PDILT: variants seen among roughly 807,000 people sequenced by gnomAD.
PDILT encodes protein disulfide isomerase like, testis expressed.
In PDILT, 43 loss-of-function variants were observed where a neutral mutation model predicts 53.7. That is an observed-to-expected ratio of 0.80 (90% CI 0.63 to 1.03). The LOEUF is 1.03. Ranked by LOEUF, PDILT falls within the 50% of genes least tolerant of loss-of-function variation. The pLI, the probability that PDILT is intolerant of heterozygous loss-of-function variation, is 0.00. For missense variants in PDILT, 727 were observed against 712.3 expected (o/e 1.02, Z -0.24); for synonymous variants, 282 against 274.2 (o/e 1.03, Z -0.28).
chr16:20,364,226 C>T lies in PDILT; in HGVS notation c.1237+1194G>A, dbSNP rs765462456. 5.3e-5 allele frequency among the ~76,000 whole-genome samples: 8 copies of T among 152,168 alleles called. No individual in the cohort carries two copies. The East Asian group carries it at 9.6e-4, about 18-fold the overall frequency. On this transcript the variant is annotated intron_variant, in intron 9 of 11. Transcript: ENST00000302451. ...GACAGTCTTACAATTCTGGGTGTGACTTAAGTACAGAACAGCTGCATCTAG... is the reference window on the plus strand; with the variant it reads ...GACAGTCTTACAATTCTGGGTGTGATTTAAGTACAGAACAGCTGCATCTAG...
Position 20,373,061 on chromosome 16 carries a change from C to T in PDILT, c.743G>A (p.Arg248His), listed in dbSNP as rs757403657. The stretch of plus-strand genomic sequence containing the variant: ...ATCTGTAAGGTGCTGTTTTATGACA[C>T]GATTGAGTTCCTGTTTGTTGGTACT... Reference protein sequence around the residue: ...NDSTNKQELNRVIKQHLTDFV... With the variant: ...NDSTNKQELNHVIKQHLTDFV... The change falls in exon 6 of 12, where the codon CGT becomes CAT. Residue 248 changes from arginine (R) to histidine (H), a missense_variant. Coordinates refer to ENST00000302451, the MANE Select transcript of PDILT (RefSeq NM_174924.2). 15 of 1,614,104 alleles carry T rather than the reference C, an allele frequency of 9.3e-6. No individual in the cohort carries two copies. Among genetic ancestry groups the T allele is most frequent in the East Asian group, 2.2e-5 (1 of 44,890 alleles).
chr16:20,360,185 T>C (rs59578859), intron 11 of PDILT, among the ~76,000 whole-genome samples: 5,318 of 152,206 alleles, frequency 0.035, 248 homozygotes, highest in African/African-American at 0.1. Context: ...CAGAGGGCAC[T>C]GTCCAGCAGA....
At chr16:20,400,019 T>C (rs1389127147) in intron 1 of PDILT, among the ~76,000 whole-genome samples, 4 of 107,734 alleles carry the variant, frequency 3.7e-5, no homozygotes, top group African/African-American at 7.5e-5. Context: ...TATCTCTATC[T>C]ATCTATCTAT....
At chr16:20,386,487 C>T (rs1966539819) in intron 2 of PDILT, among the ~76,000 whole-genome samples, 1 of 152,222 alleles carries the variant, frequency 6.6e-6, no homozygotes, top group Non-Finnish European at 1.5e-5. Context: ...CCAAGTCCAA[C>T]AGAGAGGTCT....
chr16:20,388,116 T>C (rs1042446955), intron 2 of PDILT, among the ~76,000 whole-genome samples: 1 of 152,128 alleles, frequency 6.6e-6, no homozygotes, highest in African/African-American at 2.4e-5. Context: ...GAGGTTTTTA[T>C]CTGAGTGACA....
intron 1 of PDILT, among the ~76,000 whole-genome samples, chr16:20,401,888 A>G (rs1356450624): frequency 6.6e-6 from 1 of 152,246 alleles, no homozygotes; most frequent in East Asian, 1.9e-4. Context: ...GGGAGGTGTC[A>G]GGTTTCCTGC....
In PDILT at chr16:20,369,533, G is replaced by C. The variant is rs1169163971; in HGVS notation, c.1075C>G (p.Leu359Val). The C allele has an allele frequency of 6.8e-6, 11 of 1,614,202 alleles. No individual in the cohort carries two copies. The highest frequency in any genetic ancestry group is 9.3e-6 in the Non-Finnish European group (11 of 1,180,034). The change falls in exon 8 of 12, where the codon CTC becomes GTC. Residue 359 changes from leucine (L) to valine (V), a missense_variant. By Grantham distance (32) the Leu-to-Val change is conservative. Coordinates refer to ENST00000302451, the MANE Select transcript of PDILT (RefSeq NM_174924.2). Reference sequence around the variant, plus strand: ...AGGAAGCTGCGGCCAAATTTCTTGAGGCTTTCGTAGGTTATGTCATCTGAA... The same window carrying C: ...AGGAAGCTGCGGCCAAATTTCTTGACGCTTTCGTAGGTTATGTCATCTGAA... Reference protein sequence around the residue: ...MPSDDITYESLKKFGRSFLSK... With the variant: ...MPSDDITYESVKKFGRSFLSK...
chr16:20,369,631 A>G lies in PDILT; in HGVS notation c.977T>C (p.Phe326Ser), dbSNP rs754621354. 17 of 1,614,182 alleles carry G rather than the reference A, an allele frequency of 1.1e-5. 1 individual carries two copies. Among genetic ancestry groups the G allele is most frequent in the Middle Eastern group, 3.3e-4 (2 of 6,060 alleles). ...EPRNGRVFKYFRVTEVDIPSV... is the reference protein window; with the variant it reads ...EPRNGRVFKYSRVTEVDIPSV... The stretch of plus-strand genomic sequence containing the variant: ...TGGGATATCGACCTCTGTGACCCGG[A>G]AGTACTTGAAGACACGTCCATTTCT... Residue 326 changes from phenylalanine (F) to serine (S), a missense_variant, in exon 8 of 12, where the codon TTC (phenylalanine) becomes TCC (serine). Physicochemically the swap from Phe to Ser is radical, Grantham distance 155. Transcript: ENST00000302451.
chr16:20,384,868 A>T lies in PDILT; in HGVS notation c.203-17T>A. The T allele has an allele frequency of 6.2e-7, 1 of 1,612,938 alleles. No individual in the cohort carries two copies. ...ATGGGTTGTCTGAAAGAGTATGAAG[A>T]CAAAATTTGAGAGGCCTTTCCTCGC... On this transcript the variant is annotated splice_polypyrimidine_tract_variant and intron_variant, in intron 2 of 11. Coordinates refer to ENST00000302451, the MANE Select transcript of PDILT (RefSeq NM_174924.2).
chr16:20,359,235 A>T lies in PDILT; in HGVS notation c.*84T>A, dbSNP rs1172204826. The T allele has an allele frequency of 6.4e-7, 1 of 1,565,786 alleles. No individual in the cohort carries two copies. The highest frequency in any genetic ancestry group is 1.8e-5 in the Admixed American group (1 of 54,600). ...GCCCCACCTACCCTACCACAATGAT[A>T]TATGCTTTTATTGGAATCAATCCAT... is the stretch of plus-strand genomic sequence containing the variant. On this transcript the variant is annotated 3_prime_UTR_variant, in exon 12 of 12. Transcript: ENST00000302451.
Position 20,375,026 on chromosome 16 carries a change from A to G in PDILT, c.544-67T>C, listed in dbSNP as rs1966364620. On this transcript the variant is annotated intron_variant, in intron 4 of 11. Transcript: ENST00000302451. The stretch of plus-strand genomic sequence containing the variant: ...AAGGTGCCTGGTTTATATAAGGGAA[A>G]GACGGCAGTGGTGGCTGATTCGTCT... The G allele has an allele frequency of 4.0e-6, 6 of 1,502,120 alleles. No individual in the cohort carries two copies. The Admixed American group carries it at 1.1e-4, about 27-fold the overall frequency. 93.0% of individuals were successfully genotyped at this position (1,502,120 alleles called of 1,614,324 possible).
At chr16:20,403,067 G>T (rs2141627740) in intron 1 of PDILT, among the ~76,000 whole-genome samples, 1 of 152,264 alleles carries the variant, frequency 6.6e-6, no homozygotes, top group Non-Finnish European at 1.5e-5. Context: ...AAATCGAGGG[G>T]CTGGTCACCA....
chr16:20,366,279 C>G (rs144099405), intron 8 of PDILT, among the ~76,000 whole-genome samples: 1 of 152,206 alleles, frequency 6.6e-6, no homozygotes, highest in East Asian at 1.9e-4. Flanking sequence ...CCTCCCAGCT[C>G]AGGCCTTTGT....
At position 20,359,387 on chromosome 16, in the gene PDILT, C is replaced by A; in HGVS notation, c.1687G>T (p.Val563Leu). ...GKKKTSEEVV[V>L]VVAKPKGPPV... ...GGTCCCTTTGGCTTAGCCACCACCA[C>A]CACCACCTCCTCAGATGTTTTCTTC... Residue 563 changes from valine (V) to leucine (L), a missense_variant, in exon 12 of 12, where the codon GTG becomes TTG. Physicochemically the swap from Val to Leu is conservative, Grantham distance 32 (BLOSUM62 1). Coordinates refer to ENST00000302451, the MANE Select transcript of PDILT (RefSeq NM_174924.2). 5 of 1,614,204 alleles carry A rather than the reference C, an allele frequency of 3.1e-6. No individual in the cohort carries two copies. Among genetic ancestry groups the A allele is most frequent in the Non-Finnish European group, 4.2e-6 (5 of 1,180,030 alleles).
intron 10 of PDILT, among the ~76,000 whole-genome samples, chr16:20,362,050 A>G (rs1222639740): frequency 2.6e-5 from 4 of 152,190 alleles, no homozygotes; most frequent in Admixed American, 2.0e-4. Context: ...CCCCACATCC[A>G]ATATTCTCAT....
intron 8 of PDILT, among the ~76,000 whole-genome samples, chr16:20,368,323 G>C (rs1966246198): frequency 1.3e-5 from 2 of 152,286 alleles, no homozygotes; most frequent in South Asian, 4.1e-4. Context: ...CAGCAACAAG[G>C]AGGTGGGAGC....
intron 1 of PDILT, among the ~76,000 whole-genome samples, chr16:20,403,580 G>A (rs10852241): frequency 0.62 from 93,830 of 151,984 alleles, 29,749 homozygotes; most frequent in African/African-American, 0.76. Flanking sequence ...GTGAGCCACC[G>A]TGCCCAGCAG....
chr16:20,401,635 A>C (rs7405201), intron 1 of PDILT, among the ~76,000 whole-genome samples: 150,736 of 152,280 alleles, frequency 0.99, 74,638 homozygotes, highest in Middle Eastern at 1. Context: ...TTGTGAGACC[A>C]TCTCTGAGGG....
chr16:20,376,008 C>G, intron 4 of PDILT, 60 bp downstream of exon 4: 4 of 1,600,332 alleles, frequency 2.5e-6, no homozygotes, highest in Middle Eastern at 1.8e-4. Context: ...ACACCACCCC[C>G]TCCCAGACAC....
Sources: allele counts gnomAD v4.1 joint callset (sites outside exome capture counted in the v4.1 genomes callset), GRCh38; gene constraint gnomAD v4.1.1; transcripts MANE v1.5; gene names NCBI Gene and HGNC (gene_info 2026-07-23, HGNC 2026-07-21).